The following SFXN1 variants were observed in gnomAD, a reference collection of about 807,000 sequenced individuals.
The protein encoded by SFXN1 is sideroflexin-1.
A neutral mutation model predicts 39.5 loss-of-function variants in SFXN1; 32 were observed. The observed-to-expected ratio is 0.81, with a 90% CI of 0.61 to 1.09. The LOEUF is 1.09. SFXN1 is among the 50% of genes least tolerant of loss of function. The pLI is 0.00. For missense variants in SFXN1, 402 were observed against 407.1 expected, an observed-to-expected ratio of 0.99 and a Z score of 0.11; for synonymous variants, 136 against 146.5, an observed-to-expected ratio of 0.93 and a Z score of 0.52.
intron 7 of SFXN1, among the ~76,000 whole-genome samples, chr5:175,514,974 C>T (rs116211332): frequency 0.011 from 1,631 of 152,310 alleles, 27 homozygotes; most frequent in African/African-American, 0.037. Flanking sequence ...TTGCTGAAAT[C>T]GAGGTTGCGG....
At chr5:175,479,516 C>T (rs1759150474) in intron 1 of SFXN1, among the ~76,000 whole-genome samples, 1 of 152,168 alleles carries the variant, frequency 6.6e-6, no homozygotes, top group Non-Finnish European at 1.5e-5. Context: ...CCCCCACACA[C>T]CCTTTGTAAC....
In SFXN1 at chr5:175,492,194, G is replaced by A. The variant is rs1445850337; in HGVS notation, c.91G>A (p.Val31Ile). 6.2e-7 allele frequency: 1 copy of A among 1,614,054 alleles called. No individual in the cohort carries two copies. Among genetic ancestry groups the A allele is most frequent in the East Asian group, 2.2e-5 (1 of 44,864 alleles). The change falls in exon 2 of 11, where the codon GTA (valine) becomes ATA (isoleucine). Residue 31 changes from valine (V) to isoleucine (I), a missense_variant. Coordinates refer to ENST00000321442, the MANE Select transcript of SFXN1 (RefSeq NM_022754.7). ...FIGRANHFFT[V>I]TDPRNILLTN... ...TGGACGAGCCAATCATTTCTTCACT[G>A]TAACTGACCCCAGGAACATTCTGTT... is the stretch of plus-strand genomic sequence containing the variant.
chr5:175,494,048 C>A (rs539247101), intron 2 of SFXN1, among the ~76,000 whole-genome samples: 1 of 152,066 alleles, frequency 6.6e-6, no homozygotes, highest in Admixed American at 6.5e-5. Context: ...AGAATGGAGA[C>A]TGAAGATAAA....
chr5:175,502,731 C>G (rs1760131001), intron 2 of SFXN1, among the ~76,000 whole-genome samples: 1 of 152,048 alleles, frequency 6.6e-6, no homozygotes, highest in South Asian at 2.1e-4. Context: ...ATCCCAGCTA[C>G]CTGGGAGGCT....
chr5:175,516,783 T>TAA (rs1387635514), intron 8 of SFXN1, 120 bp downstream of exon 8: 20 of 907,218 alleles, frequency 2.2e-5, no homozygotes, highest in Admixed American at 5.6e-5. Flanking sequence ...CCTGGGCTCT[T>TAA]ACGTAAATAA....
chr5:175,479,200 C>T (rs1759141382), intron 1 of SFXN1, among the ~76,000 whole-genome samples: 1 of 152,240 alleles, frequency 6.6e-6, no homozygotes. Context: ...CTTGCATTTT[C>T]ACGCTTTTCT....
intron 8 of SFXN1, 174 bp from the exon 9 acceptor site, chr5:175,521,745 A>G: frequency 2.0e-6 from 1 of 508,276 alleles, no homozygotes; most frequent in Non-Finnish European, 3.6e-6. Flanking sequence ...CAGATCAAAG[A>G]AGGTTACAGG....
In SFXN1 at chr5:175,480,380, G is replaced by A. The variant is rs563126455; in HGVS notation, c.-10+1741G>A. Among the ~76,000 whole-genome samples the A allele has an allele frequency of 2.5e-4, 38 of 151,776 alleles. No homozygotes were observed. The Middle Eastern group carries it at 0.014, about 54-fold the overall frequency. ...CGCGCCACTGCACTCCAGCCTGGGC[G>A]ACAGAGCAAGACTCCGTCTTAAAAA... On this transcript the variant is annotated intron_variant, in intron 1 of 10. Coordinates refer to ENST00000321442, the MANE Select transcript of SFXN1 (RefSeq NM_022754.7).
rs147365554 is a variant in SFXN1, at chr5:175,519,191, G to A, written c.774+2528G>A. ...CTATTAGAATGTCAAAAACTAAAAA[G>A]ATTGATCATAGCAAGTGTTGGTGAG... On this transcript the variant is annotated intron_variant, in intron 8 of 10. Coordinates refer to ENST00000321442, the MANE Select transcript of SFXN1 (RefSeq NM_022754.7). Among the ~76,000 whole-genome samples the A allele has an allele frequency of 6.4e-4, 97 of 152,312 alleles. No homozygotes were observed. The East Asian group carries it at 0.015, about 24-fold the overall frequency.
intron 1 of SFXN1, among the ~76,000 whole-genome samples, chr5:175,481,573 C>A (rs1272756698): frequency 1.3e-5 from 2 of 152,186 alleles, no homozygotes; most frequent in Non-Finnish European, 2.9e-5. Flanking sequence ...CTCAGCCTCC[C>A]AAAGTGCTGG....
chr5:175,492,938 T>G (rs1759713401), intron 2 of SFXN1, among the ~76,000 whole-genome samples: 1 of 152,222 alleles, frequency 6.6e-6, no homozygotes, highest in African/African-American at 2.4e-5. Flanking sequence ...TGTTTTTTTG[T>G]TTGTTTAACA....
chr5:175,485,755 G>A (rs370168025), intron 1 of SFXN1, among the ~76,000 whole-genome samples: 2 of 152,154 alleles, frequency 1.3e-5, no homozygotes, highest in Non-Finnish European at 1.5e-5. Context: ...TGCAGTGGGC[G>A]CTTCCAGTGC....
intron 7 of SFXN1, among the ~76,000 whole-genome samples, chr5:175,514,875 T>C (rs141443034): frequency 8.5e-5 from 13 of 152,350 alleles, no homozygotes; most frequent in African/African-American, 3.1e-4. Context: ...AAGCATCTCC[T>C]GAGTCCAGGG....
rs1241919735 is a variant in SFXN1, at chr5:175,526,700, A to C, written c.935A>C (p.Glu312Ala). The change falls in exon 11 of 11, where the codon GAA becomes GCA. Residue 312 changes from glutamate (E) to alanine (A), a missense_variant. Glu to Ala is a moderately radical substitution (Grantham distance 107). Coordinates refer to ENST00000321442, the MANE Select transcript of SFXN1 (RefSeq NM_022754.7). The part of the protein sequence containing the change: ...LQAKIQESHP[E>A]LRRVYFNKGL ...GCTAAGATCCAAGAGAGCCATCCTG[A>C]ATTGCGACGCGTGTACTTCAATAAG... 1 of 1,614,230 alleles carries C rather than the reference A, an allele frequency of 6.2e-7. No individual in the cohort carries two copies. Among genetic ancestry groups the C allele is most frequent in the Non-Finnish European group, 8.5e-7 (1 of 1,180,036 alleles).
intron 7 of SFXN1, 42 bp from the exon 8 acceptor site, chr5:175,516,572 G>T: frequency 6.6e-7 from 1 of 1,525,662 alleles, no homozygotes. Context: ...GCTGAAAATT[G>T]GCATTAAATA....
intron 1 of SFXN1, among the ~76,000 whole-genome samples, chr5:175,483,157 T>C (rs1759319838): frequency 6.6e-6 from 1 of 152,244 alleles, no homozygotes; most frequent in Admixed American, 6.5e-5. Flanking sequence ...TTTCCGTCTC[T>C]TTTTAGGGGT....
chr5:175,500,403 A>AACACACACAC (rs4008099), intron 2 of SFXN1, among the ~76,000 whole-genome samples: 116 of 127,290 alleles, frequency 9.1e-4, no homozygotes, highest in African/African-American at 9.9e-4. Context: ...CCTGTACACC[A>AACACACACAC]ACACACACAC....
chr5:175,509,338 T>C (rs1508760), intron 3 of SFXN1, 136 bp downstream of exon 3: 2 of 780,788 alleles, frequency 2.6e-6, no homozygotes, highest in Non-Finnish European at 3.9e-6. Context: ...ATTAGCTTGA[T>C]TGAATCATTC....
At chr5:175,515,396 T>C (rs1760683260) in intron 7 of SFXN1, among the ~76,000 whole-genome samples, 1 of 152,240 alleles carries the variant, frequency 6.6e-6, no homozygotes, top group Non-Finnish European at 1.5e-5. Flanking sequence ...AATCCATTTC[T>C]AGTGATTTGG....
Sources: gnomAD v4.1 joint callset for allele counts (sites outside exome capture counted in the v4.1 genomes callset) on GRCh38, gnomAD v4.1.1 for gene constraint, MANE v1.5 for transcripts, NCBI Gene and HGNC (gene_info 2026-07-23, HGNC 2026-07-21) for gene names.